ATPAF1: variants seen among roughly 807,000 people sequenced by gnomAD.
ATPAF1 encodes homolog of yeast ATP11.
Under a neutral mutation model 43.9 loss-of-function variants are expected in ATPAF1, and 26 were observed. The observed-to-expected ratio is 0.59, with a 90% CI of 0.43 to 0.82. The LOEUF is 0.82. ATPAF1 is among the 40% of genes least tolerant of loss of function. ATPAF1 has a pLI of 0.00. For missense variants in ATPAF1, 366 were observed against 435.0 expected, an observed-to-expected ratio of 0.84 and a Z score of 1.41; for synonymous variants, 157 against 168.0, an observed-to-expected ratio of 0.93 and a Z score of 0.50.
Position 46,667,264 on chromosome 1 carries a change from C to T in ATPAF1, c.266+793G>A, listed in dbSNP as rs957126950. Among the ~76,000 whole-genome samples the T allele has an allele frequency of 2.6e-5, 4 of 152,326 alleles. No individual in the cohort carries two copies. In the South Asian group the frequency reaches 6.2e-4, roughly 24 times the overall value. On this transcript the variant is annotated intron_variant, in intron 1 of 8. Coordinates refer to ENST00000574428, the Ensembl canonical transcript of ATPAF1. ...AGAGATGAGACAGAACTCAAATTTA[C>T]AGTACTAAGTCTTTGGTTTCCTTTC...
intron 4 of ATPAF1, among the ~76,000 whole-genome samples, chr1:46,656,308 T>TGA (rs886477528): frequency 6.6e-6 from 1 of 152,166 alleles, no homozygotes; most frequent in African/African-American, 2.4e-5. Context: ...GAGCTAGTGT[T>TGA]GAAGAATGGG....
exon 9 of ATPAF1, chr1:46,635,596 C>A (rs1376600545): frequency 6.8e-6 from 4 of 586,498 alleles, no homozygotes; most frequent in Non-Finnish European, 1.2e-5. Context: ...TGTTCAGGTA[C>A]CTTTGTTCCT....
intron 4 of ATPAF1, 22 bp downstream of exon 4, chr1:46,658,105 C>T (rs1157466686): frequency 6.2e-7 from 1 of 1,603,712 alleles, no homozygotes; most frequent in African/African-American, 1.3e-5. Context: ...ATAGAGTAGG[C>T]CAGCCCATTT....
At chr1:46,658,239 A>AC in intron 3 of ATPAF1, 50 bp from the exon 4 acceptor site, 3 of 1,393,234 alleles carry the variant, frequency 2.2e-6, no homozygotes, top group South Asian at 1.3e-5. Flanking sequence ...AAAAAAAAAA[A>AC]AACAGCTTAA....
At chr1:46,661,524 C>T (rs1557427828) in intron 2 of ATPAF1, among the ~76,000 whole-genome samples, 2 of 152,132 alleles carry the variant, frequency 1.3e-5, no homozygotes, top group Non-Finnish European at 2.9e-5. Context: ...TATTTACATG[C>T]TAAAATATGT....
chr1:46,660,289 T>C (rs1196804333), intron 2 of ATPAF1, among the ~76,000 whole-genome samples: 3 of 152,170 alleles, frequency 2.0e-5, no homozygotes, highest in Admixed American at 2.0e-4. Context: ...AATTTCATTT[T>C]CATACCACTC....
chr1:46,656,546 T>C (rs1213603411), intron 4 of ATPAF1, among the ~76,000 whole-genome samples: 1 of 152,254 alleles, frequency 6.6e-6, no homozygotes, highest in Non-Finnish European at 1.5e-5. Flanking sequence ...CAGCATATTC[T>C]GATTATTTTT....
intron 6 of ATPAF1, among the ~76,000 whole-genome samples, chr1:46,645,559 T>G (rs1201600336): frequency 6.6e-6 from 1 of 151,780 alleles, no homozygotes; most frequent in East Asian, 1.9e-4. Flanking sequence ...GATGGGGTTT[T>G]GCCATGTTGC....
intron 6 of ATPAF1, among the ~76,000 whole-genome samples, chr1:46,645,669 A>AT (rs1388858544): frequency 6.6e-6 from 1 of 152,064 alleles, no homozygotes; most frequent in Non-Finnish European, 1.5e-5. Context: ...AGCCTAAAAC[A>AT]TTTTTTTAAA....
intron 6 of ATPAF1, 146 bp downstream of exon 6, chr1:46,652,432 CTTA>C (rs1482177794): frequency 1.4e-6 from 1 of 711,520 alleles, no homozygotes; most frequent in Admixed American, 3.0e-5. Flanking sequence ...AGCACTATAA[CTTA>C]TTAGTACAAT....
intron 4 of ATPAF1, among the ~76,000 whole-genome samples, chr1:46,655,874 T>C (rs1676262395): frequency 6.6e-6 from 1 of 152,196 alleles, no homozygotes; most frequent in Admixed American, 6.5e-5. Flanking sequence ...CTTTCATATT[T>C]TATATCTCTC....
At chr1:46,647,360 C>T (rs142002025) in intron 6 of ATPAF1, among the ~76,000 whole-genome samples, 141 of 152,324 alleles carry the variant, frequency 9.3e-4, no homozygotes, top group Middle Eastern at 3.4e-3. Context: ...TTGTCTGCCT[C>T]CTTCTTTGGT....
At chr1:46,659,116 A>G (rs2476158) in intron 2 of ATPAF1, among the ~76,000 whole-genome samples, 121,345 of 151,890 alleles carry the variant, frequency 0.8, 48,630 homozygotes, top group East Asian at 0.91. Context: ...GCTTGAACCC[A>G]GGAGGCGGAG....
At chr1:46,659,339 T>A (rs530479879) in intron 2 of ATPAF1, among the ~76,000 whole-genome samples, 2 of 151,544 alleles carry the variant, frequency 1.3e-5, no homozygotes, top group Non-Finnish European at 2.9e-5. Context: ...ATTCTCCACC[T>A]GCCACTGTGG....
At chr1:46,667,702 A>C (rs951327364) in intron 1 of ATPAF1, among the ~76,000 whole-genome samples, 7 of 152,162 alleles carry the variant, frequency 4.6e-5, no homozygotes, top group African/African-American at 1.7e-4. Context: ...CTATCTTAAT[A>C]TGTGACCTTG....
chr1:46,668,214 C>T lies in ATPAF1; in HGVS notation c.109G>A (p.Gly37Arg). 1 of 1,378,588 alleles carries T rather than the reference C, an allele frequency of 7.3e-7. No individual in the cohort carries two copies. The highest frequency in any genetic ancestry group is 9.4e-7 in the Non-Finnish European group (1 of 1,065,528). The allele number at this position is 1,378,588 out of a possible 1,614,324, so 85.4% of individuals were successfully genotyped here. A position where few individuals can be genotyped will look rare whatever the true frequency, so the allele number is the denominator to read the frequency against. ...CGCAGCTGCGCGGGTGACACGAGCC[C>T]CAGGCCCAGGGCGCGGCTGCGCACC... Residue 37 changes from glycine to arginine, a missense_variant, in exon 1 of 9, where the codon GGG becomes AGG. Gly to Arg is a moderately radical substitution (Grantham distance 125, BLOSUM62 -2). Around this residue, in one of 2 missense-constraint regions of ATPAF1, gnomAD observed 186 missense variants for 168.5 expected, o/e 1.10. Transcript: ENST00000574428. This position sits in a 1 kb window ranked among gnomAD's most constrained non-coding sequence, Gnocchi z 4.4.
rs1676527499 is a variant in ATPAF1, at chr1:46,668,198, G to T, written c.125C>A (p.Ala42Glu). The change falls in exon 1 of 9, where the codon GCG becomes GAG. Residue 42 changes from alanine to glutamate, a missense_variant. By Grantham distance (107) the Ala-to-Glu change is moderately radical (BLOSUM62 -1). Coordinates refer to ENST00000574428, the Ensembl canonical transcript of ATPAF1. The surrounding 1 kb of genome is among the most constrained non-coding windows in gnomAD (Gnocchi z 4.4). ...GCGCACTGGGAAGACGCGCAGCTGC[G>T]CGGGTGACACGAGCCCCAGGCCCAG... 7.2e-7 allele frequency: 1 copy of T among 1,391,426 alleles called. No individual in the cohort carries two copies. 86.2% of individuals were successfully genotyped at this position (1,391,426 alleles called of 1,614,324 possible).
chr1:46,668,414 C>T (rs1041060577), upstream of ATPAF1: 9 of 1,176,016 alleles, frequency 7.7e-6, no homozygotes, highest in African/African-American at 9.7e-5. The surrounding 1 kb of genome is among the most constrained non-coding windows in gnomAD (Gnocchi z 4.4). Flanking sequence ...GCGCCGCGCC[C>T]GCGCTCCGGC....
chr1:46,650,710 G>A (rs888216839), intron 6 of ATPAF1, among the ~76,000 whole-genome samples: 7 of 151,952 alleles, frequency 4.6e-5, no homozygotes, highest in African/African-American at 1.7e-4. Flanking sequence ...AACAAGTTCT[G>A]TCATTTGTGA....
Sources: gnomAD v4.1 joint callset for allele counts (sites outside exome capture counted in the v4.1 genomes callset) on GRCh38, gnomAD v4.1.1 for gene constraint, gnomAD v4.1.1 regional missense constraint, Gnocchi (gnomAD v3.1) non-coding constraint, MANE v1.5 for transcripts, NCBI Gene and HGNC (gene_info 2026-07-23, HGNC 2026-07-21) for gene names.